Variants in ADCY4 observed in about 807,000 individuals in gnomAD.
ADCY4 encodes adenylate cyclase 4, also known as adenylate cyclase type 4.
In ADCY4, 111 loss-of-function variants were observed where a neutral mutation model predicts 125.5. That is an observed-to-expected ratio of 0.88 (90% CI 0.76 to 1.04). ADCY4 has a LOEUF of 1.04. Among genes scored for constraint, ADCY4 ranks in the 50% least tolerant of loss-of-function variants. The probability of loss-of-function intolerance (pLI) is 0.00; values close to 1 mark genes in which losing one functional copy is unlikely to be tolerated. For missense variants in ADCY4, 1,256 were observed against 1,382.9 expected, an observed-to-expected ratio of 0.91 and a Z score of 1.46; for synonymous variants, 576 against 586.9, an observed-to-expected ratio of 0.98 and a Z score of 0.27.
Position 24,328,999 on chromosome 14 carries a change from G to A in ADCY4, c.1524+62C>T, listed in dbSNP as rs2041996221. 2.6e-6 allele frequency: 4 copies of A among 1,566,150 alleles called. No homozygotes were observed. In the Admixed American group the frequency reaches 5.2e-5, roughly 20 times the overall value. On this transcript the variant is annotated intron_variant, in intron 10 of 24. Transcript: ENST00000418030. Reference sequence around the variant, plus strand: ...GGGGGCAGGGAAGGCTGCCAGTGGGGCCTGAGGATACTGGGGGTGGATTTA... The same window carrying A: ...GGGGGCAGGGAAGGCTGCCAGTGGGACCTGAGGATACTGGGGGTGGATTTA...
rs1484568634 is a variant in ADCY4 at position 24,319,338 on chromosome 14, A to G, written c.2832T>C (p.Asp944=). The G allele has an allele frequency of 1.9e-6, 3 of 1,614,048 alleles. No homozygotes were observed. Among genetic ancestry groups the G allele is most frequent in the Non-Finnish European group, 2.5e-6 (3 of 1,180,018 alleles). The change falls in exon 22 of 25, where the codon GAT becomes GAC. Residue 944 remains aspartate (D), a synonymous_variant. Coordinates refer to ENST00000418030, the MANE Select transcript of ADCY4 (RefSeq NM_001198568.2). The surrounding 1 kb of genome is among the most constrained non-coding windows in gnomAD (Gnocchi z 4.5). The part of the protein sequence containing the change: ...ATGLNATSGQ[D]AQQDAERSCS... ...GGAAGGGTTGCCGTACCTGTTGTGC[A>G]TCCTGTCCAGAGGTGGCATTTAAGC... is the stretch of plus-strand genomic sequence containing the variant.
In ADCY4 at chr14:24,331,883, T is replaced by C. The variant is rs781254640; in HGVS notation, c.574A>G (p.Lys192Glu). ...LCGNVAGVYH[K>E]ALMERALRAT... ...CGCAGGGCGCGCTCCATCAGCGCCT[T>C]GTGGTACACTCCTGCCACGTTCCCG... The change falls in exon 4 of 25, where the codon AAG becomes GAG. Residue 192 changes from lysine to glutamate, a missense_variant. By Grantham distance (56) the Lys-to-Glu change is moderately conservative. Transcript: ENST00000418030. The C allele has an allele frequency of 1.4e-5, 23 of 1,599,282 alleles. No individual in the cohort carries two copies. The Middle Eastern group carries it at 8.6e-4, about 60-fold the overall frequency.
At chr14:24,323,597 AACCTCAGC>A in intron 16 of ADCY4, 143 bp from the exon 17 acceptor site, 1 of 1,458,864 alleles carries the variant, frequency 6.9e-7, no homozygotes, top group Non-Finnish European at 9.1e-7. Context: ...TTGGGAAGGG[AACCTCAGC>A]ACTGGGGTCC....
Position 24,326,069 on chromosome 14 carries a change from T to C in ADCY4, c.1655+10A>G. 1 of 1,569,352 alleles carries C rather than the reference T, an allele frequency of 6.4e-7. No individual in the cohort carries two copies. The highest frequency in any genetic ancestry group is 1.4e-5 in the African/African-American group (1 of 73,710). ...CCTGCGGCCCCCCCAGCCCTCTTTG[T>C]TCTCCGTACTTCTGCGAGTTGAGCT... On this transcript the variant is annotated intron_variant, in intron 12 of 24. Coordinates refer to ENST00000418030, the MANE Select transcript of ADCY4 (RefSeq NM_001198568.2).
At chr14:24,325,298 G>A in intron 14 of ADCY4, 79 bp downstream of exon 14, 2 of 1,230,348 alleles carry the variant, frequency 1.6e-6, no homozygotes, top group South Asian at 2.5e-5. Context: ...GGTGAAGGAA[G>A]AAAGTGTGGC....
At chr14:24,332,434 G>T in intron 3 of ADCY4, 88 bp downstream of exon 3, 1 of 1,428,292 alleles carries the variant, frequency 7.0e-7, no homozygotes, top group Non-Finnish European at 9.4e-7. Flanking sequence ...CCTTGACTTG[G>T]AGTCACAGCT....
intron 6 of ADCY4, 170 bp downstream of exon 6, chr14:24,330,848 T>C: frequency 1.6e-6 from 1 of 621,086 alleles, no homozygotes; most frequent in Non-Finnish European, 2.8e-6. Flanking sequence ...GGTGAGCAGC[T>C]TCATGACTGG....
chr14:24,323,222 A>C, intron 17 of ADCY4, 122 bp downstream of exon 17: 1 of 1,366,852 alleles, frequency 7.3e-7, no homozygotes, highest in Non-Finnish European at 1.0e-6. Context: ...ACTGATACAC[A>C]CTGGGTGTGA....
intron 16 of ADCY4, chr14:24,323,825 A>T: frequency 2.5e-6 from 1 of 403,888 alleles, no homozygotes; most frequent in Non-Finnish European, 3.3e-6. Flanking sequence ...CTAAGTAATA[A>T]GTAACTGCCT....
At chr14:24,330,504 G>T in intron 6 of ADCY4, 3 of 636,656 alleles carry the variant, frequency 4.7e-6, no homozygotes, top group Non-Finnish European at 7.6e-6. Context: ...TTCCCCAAGG[G>T]CTGGATGGCT....
rs766580448 is a variant in ADCY4, at chr14:24,329,994, C to T, written c.1083G>A (p.Val361=). ...GCACGCCCACACGCATGTTGATGTCCACGCCAGTGGCTGCCCGCAGTTTCC... is the reference window on the plus strand; with the variant it reads ...GCACGCCCACACGCATGTTGATGTCTACGCCAGTGGCTGCCCGCAGTTTCC... ...AIRKLRAATG[V]DINMRVGVHS... Residue 361 remains valine, a synonymous_variant, in exon 8 of 25, where the codon GTG becomes GTA. Coordinates refer to ENST00000418030, the MANE Select transcript of ADCY4 (RefSeq NM_001198568.2). 2 of 1,613,808 alleles carry T rather than the reference C, an allele frequency of 1.2e-6. No homozygotes were observed. Among genetic ancestry groups the T allele is most frequent in the East Asian group, 2.2e-5 (1 of 44,886 alleles).
At chr14:24,331,964 G>A (rs371980312) in intron 3 of ADCY4, 27 bp from the exon 4 acceptor site, 4 of 1,530,944 alleles carry the variant, frequency 2.6e-6, no homozygotes, top group African/African-American at 1.4e-5. Flanking sequence ...GCCTCAGAGG[G>A]CGCGGGACCC....
rs924659393 is a variant in ADCY4 at position 24,334,756 on chromosome 14, G to T, written c.-104C>A. The T allele has an allele frequency of 2.2e-6, 2 of 926,090 alleles. No individual in the cohort carries two copies. Among genetic ancestry groups the T allele is most frequent in the African/African-American group, 3.4e-5 (2 of 58,154 alleles). The allele number at this position is 926,090 out of a possible 1,614,324, so 57.4% of individuals were successfully genotyped here. A position where few individuals can be genotyped will look rare whatever the true frequency, so the allele number is the denominator to read the frequency against. On this transcript the variant is annotated 5_prime_UTR_variant, in exon 1 of 25. Coordinates refer to ENST00000418030, the MANE Select transcript of ADCY4 (RefSeq NM_001198568.2). The stretch of plus-strand genomic sequence containing the variant: ...GAGCTTTTCTCACCCGCTCAAAGCC[G>T]CTACCACCCCGCGCCCCCAACCTCG...
intron 15 of ADCY4, 32 bp from the exon 16 acceptor site, chr14:24,324,231 G>T (rs1473073051): frequency 6.2e-7 from 1 of 1,614,038 alleles, no homozygotes; most frequent in African/African-American, 1.3e-5. Flanking sequence ...CTTAGCCACG[G>T]GGCTGGGGCA....
intron 3 of ADCY4, 35 bp downstream of exon 3, chr14:24,332,487 G>A: frequency 1.3e-6 from 2 of 1,548,402 alleles, no homozygotes; most frequent in Non-Finnish European, 1.7e-6. Flanking sequence ...TGGCAGAGCC[G>A]TCCTGAGCGC....
intron 10 of ADCY4, among the ~76,000 whole-genome samples, chr14:24,326,970 C>T (rs1409383741): frequency 7.1e-6 from 1 of 141,312 alleles, no homozygotes; most frequent in East Asian, 2.2e-4. Flanking sequence ...AATCTCAGCT[C>T]ACTGCAACCT....
At position 24,319,155 on chromosome 14, in the gene ADCY4, C is replaced by T. The variant is rs765213553; in HGVS notation, c.2899G>A (p.Gly967Arg). The change falls in exon 23 of 25, where the codon GGG becomes AGG. Residue 967 changes from glycine to arginine, a missense_variant. Coordinates refer to ENST00000418030, the MANE Select transcript of ADCY4 (RefSeq NM_001198568.2). This position sits in a 1 kb window ranked among gnomAD's most constrained non-coding sequence, Gnocchi z 4.5. ...TTGTTGATGACGTCCAGCTTAGACC[C>T]CAGGGCCACGGCAAATTCCACCATA... The part of the protein sequence containing the change: ...GTMVEFAVAL[G>R]SKLDVINKHS... 7.4e-6 allele frequency: 12 copies of T among 1,614,074 alleles called. No individual in the cohort carries two copies. Among genetic ancestry groups the T allele is most frequent in the South Asian group, 2.2e-5 (2 of 91,076 alleles).
chr14:24,327,728 G>A (rs2041970891), intron 10 of ADCY4, among the ~76,000 whole-genome samples: 1 of 152,194 alleles, frequency 6.6e-6, no homozygotes. Flanking sequence ...GAAGTGGGGG[G>A]TCCAACTGCC....
rs1321034772 is a variant in ADCY4 at position 24,325,407 on chromosome 14, T to C, written c.1793A>G (p.Asn598Ser). ...TGTCACTAGCATCTGGATGATGAAG[T>C]TGGAGAGAAAAACCAGGAAGGTGCA... ...EACTFLVFLS[N>S]FIIQMLVTNR... Residue 598 changes from asparagine (N) to serine (S), a missense_variant, in exon 14 of 25, where the codon AAC becomes AGC. By Grantham distance (46) the Asn-to-Ser change is conservative. Coordinates refer to ENST00000418030, the MANE Select transcript of ADCY4 (RefSeq NM_001198568.2). 6.2e-7 allele frequency: 1 copy of C among 1,613,466 alleles called. No individual in the cohort carries two copies. Among genetic ancestry groups the C allele is most frequent in the Admixed American group, 1.7e-5 (1 of 59,928 alleles).
Sources: gnomAD v4.1 joint callset for allele counts (sites outside exome capture counted in the v4.1 genomes callset) on GRCh38, gnomAD v4.1.1 for gene constraint, Gnocchi (gnomAD v3.1) non-coding constraint, MANE v1.5 for transcripts, NCBI Gene and HGNC (gene_info 2026-07-23, HGNC 2026-07-21) for gene names.